The following ADAMTSL2 variants were observed in gnomAD, a reference collection of about 807,000 sequenced individuals.
ADAMTSL2 encodes the protein ADAMTS like 2.
In ADAMTSL2, 55 loss-of-function variants were observed where a neutral mutation model predicts 117.0. The observed-to-expected ratio is 0.47, with a 90% CI of 0.38 to 0.59. The LOEUF (loss-of-function observed/expected upper bound fraction) is 0.59, where lower values mean the gene tolerates loss of function less well. ADAMTSL2 is among the 20% of genes least tolerant of loss of function. The probability of loss-of-function intolerance (pLI) is 0.00; values close to 1 mark genes in which losing one functional copy is unlikely to be tolerated. For synonymous variants in ADAMTSL2, 572 were observed against 566.4 expected (o/e 1.01, Z -0.14); for missense variants, 1,182 against 1,354.5 (o/e 0.87, Z 2.00).
intron 9 of ADAMTSL2, among the ~76,000 whole-genome samples, chr9:133,551,812 C>CTTTTTTTTTT (rs56225051): frequency 3.1e-4 from 34 of 111,096 alleles, no homozygotes; most frequent in East Asian, 6.3e-4. Context: ...AAAGCAGCAG[C>CTTTTTTTTTT]TTTTTTTTTT....
chr9:133,563,002 G>A (rs1245760177), intron 12 of ADAMTSL2, among the ~76,000 whole-genome samples: 12 of 152,054 alleles, frequency 7.9e-5, no homozygotes, highest in Non-Finnish European at 1.5e-4. Context: ...CACCGCTGTG[G>A]GCGGCGTGGT....
At chr9:133,532,850 G>A (rs1025398352), upstream of ADAMTSL2, among the ~76,000 whole-genome samples, 1 of 152,206 alleles carries the variant, frequency 6.6e-6, no homozygotes, top group Non-Finnish European at 1.5e-5. Context: ...CCTGCAGGAG[G>A]TCACAGAGCC....
Position 133,565,200 on chromosome 9 carries a change from G to A in ADAMTSL2, c.1748-1736G>A, listed in dbSNP as rs1319672733. ...AGGGGGTTTGAAAAGCACCGTTTTC[G>A]AGATGGGTGTCATGAAGAGGGTGCC... is the stretch of plus-strand genomic sequence containing the variant. On this transcript the variant is annotated intron_variant, in intron 12 of 18. Coordinates refer to ENST00000651351, the MANE Select transcript of ADAMTSL2 (RefSeq NM_014694.4). Among the ~76,000 whole-genome samples the A allele has an allele frequency of 3.9e-5, 6 of 152,092 alleles. No individual in the cohort carries two copies. The East Asian group carries it at 7.7e-4, about 20-fold the overall frequency.
At position 133,562,643 on chromosome 9, in the gene ADAMTSL2, G is replaced by A. The variant is rs1204746782; in HGVS notation, c.1747+1348G>A. ...CCGGCTGGGCCCGGTTCGCACCGCCGTGGGCGGCGTGGCGGGCACCGGCTT... is the reference window on the plus strand; with the variant it reads ...CCGGCTGGGCCCGGTTCGCACCGCCATGGGCGGCGTGGCGGGCACCGGCTT... On this transcript the variant is annotated intron_variant, in intron 12 of 18. Transcript: ENST00000651351. 5.7e-5 allele frequency among the ~76,000 whole-genome samples: 8 copies of A among 139,778 alleles called. 1 individual carries two copies. The highest frequency in any genetic ancestry group is 1.1e-4 in the Non-Finnish European group (7 of 63,660). 91.7% of individuals were successfully genotyped at this position (139,778 alleles called of 152,430 possible).
chr9:133,555,648 A>C lies in ADAMTSL2; in HGVS notation c.1367A>C (p.Asn456Thr). ...HFASQEFFSA[N>T]AISDQLLGAG... Reference sequence around the variant, plus strand: ...GCCTCCCAGGAGTTCTTCTCGGCTAACGCCATCTCTGACCAGCTGCTGGGC... The same window carrying C: ...GCCTCCCAGGAGTTCTTCTCGGCTACCGCCATCTCTGACCAGCTGCTGGGC... The change falls in exon 11 of 19, where the codon AAC becomes ACC. Residue 456 changes from asparagine to threonine, a missense_variant. This residue lies in a region of ADAMTSL2 where 345 missense variants were observed against 325.8 expected (regional missense o/e 1.06). Transcript: ENST00000651351. The C allele has an allele frequency of 6.2e-7, 1 of 1,613,728 alleles. No individual in the cohort carries two copies. The highest frequency in any genetic ancestry group is 1.1e-5 in the South Asian group (1 of 91,086).
Position 133,555,884 on chromosome 9 carries a change from A to C in ADAMTSL2, c.1603A>C (p.Ser535Arg). 6.2e-7 allele frequency: 1 copy of C among 1,613,160 alleles called. No individual in the cohort carries two copies. The highest frequency in any genetic ancestry group is 2.2e-5 in the East Asian group (1 of 44,882). Residue 535 changes from serine to arginine, a missense_variant, in exon 11 of 19, where the codon AGC becomes CGC. Ser to Arg is a moderately radical substitution (Grantham distance 110). This residue lies in a region of ADAMTSL2 where 345 missense variants were observed against 325.8 expected (regional missense o/e 1.06). Transcript: ENST00000651351. ...SSSEAPFPNVSTSLLTSAGNR... is the reference protein window; with the variant it reads ...SSSEAPFPNVRTSLLTSAGNR... ...CTCCGAGGCCCCATTCCCCAACGTT[A>C]GCACCAGCCTGCTCACCTCGGCCGG...
chr9:133,554,435 C>A lies in ADAMTSL2; in HGVS notation c.1018C>A (p.Gln340Lys). 6.4e-7 allele frequency: 1 copy of A among 1,564,256 alleles called. No homozygotes were observed. Among genetic ancestry groups the A allele is most frequent in the African/African-American group, 1.3e-5 (1 of 74,284 alleles). The part of the protein sequence containing the change: ...LLQPPHESRP[Q>K]PIYYGFSESA... ...GCAGCCGCCACACGAGAGCCGCCCC[C>A]AGCCCATCTACTATGGCTTCTCCGA... The change falls in exon 10 of 19, where the codon CAG becomes AAG. Residue 340 changes from glutamine (Q) to lysine (K), a missense_variant. Coordinates refer to ENST00000651351, the MANE Select transcript of ADAMTSL2 (RefSeq NM_014694.4). The surrounding 1 kb of genome is among the most constrained non-coding windows in gnomAD (Gnocchi z 5.2).
rs1830103708 is a variant in ADAMTSL2, at chr9:133,538,368, C to A, written c.253C>A (p.Pro85Thr). 6.2e-7 allele frequency: 1 copy of A among 1,613,366 alleles called. No individual in the cohort carries two copies. The highest frequency in any genetic ancestry group is 1.7e-5 in the Admixed American group (1 of 60,028). The change falls in exon 4 of 19, where the codon CCC becomes ACC. Residue 85 changes from proline to threonine, a missense_variant. This residue lies in a region of ADAMTSL2 where 372 missense variants were observed against 463.4 expected (regional missense o/e 0.80). Transcript: ENST00000651351. ...LQQRRKSVPGPGNRTCTGTSK... is the reference protein window; with the variant it reads ...LQQRRKSVPGTGNRTCTGTSK... ...TGCCAGGAGGAAGTCCGTCCCGGGC[C>A]CCGGGAACAGGACCTGCACGGGCAC...
intron 15 of ADAMTSL2, 74 bp downstream of exon 15, chr9:133,568,832 A>C: frequency 1.3e-6 from 2 of 1,598,442 alleles, no homozygotes; most frequent in Non-Finnish European, 1.7e-6. Flanking sequence ...GATGTGCCTC[A>C]GTTTCCATTT....
intron 10 of ADAMTSL2, 110 bp from the exon 11 acceptor site, chr9:133,555,448 T>C: frequency 7.0e-7 from 1 of 1,418,774 alleles, no homozygotes; most frequent in African/African-American, 1.4e-5. Context: ...TGGGAGCTTC[T>C]TGGTTCAGCT....
chr9:133,567,148 C>T (rs1221444834), intron 13 of ADAMTSL2, 86 bp downstream of exon 13: 10 of 1,508,100 alleles, frequency 6.6e-6, no homozygotes, highest in Non-Finnish European at 7.1e-6. Flanking sequence ...TTACCCCCTG[C>T]CCCGTAGAGG....
At chr9:133,547,324 C>T (rs1301019994) in intron 9 of ADAMTSL2, 111 bp downstream of exon 9, 32 of 1,105,174 alleles carry the variant, frequency 2.9e-5, no homozygotes, top group Middle Eastern at 3.0e-4. Flanking sequence ...CCACTGTGCG[C>T]GTGCACCCGG....
rs1830722638 is a variant in ADAMTSL2, at chr9:133,561,305, A to C, written c.1747+10A>C. On this transcript the variant is annotated intron_variant, in intron 12 of 18. Transcript: ENST00000651351. ...GCCACCTGCACCACAGGTACTGGTCACGGGTGCCAAGGGGCAGCAACTGCC... is the reference window on the plus strand; with the variant it reads ...GCCACCTGCACCACAGGTACTGGTCCCGGGTGCCAAGGGGCAGCAACTGCC... 2 of 1,580,700 alleles carry C rather than the reference A, an allele frequency of 1.3e-6. No individual in the cohort carries two copies. Among genetic ancestry groups the C allele is most frequent in the African/African-American group, 2.7e-5 (2 of 74,720 alleles).
chr9:133,551,473 G>T (rs1423553088), intron 9 of ADAMTSL2, among the ~76,000 whole-genome samples: 1 of 152,202 alleles, frequency 6.6e-6, no homozygotes, highest in East Asian at 1.9e-4. Context: ...GGCGGAGCTG[G>T]TAGAACTCGT....
chr9:133,548,745 A>T (rs1311887217), intron 9 of ADAMTSL2, among the ~76,000 whole-genome samples: 1 of 152,102 alleles, frequency 6.6e-6, no homozygotes, highest in African/African-American at 2.4e-5. Flanking sequence ...GGCTGAGGGA[A>T]ATTCCTGGGG....
rs1830593386 is a variant in ADAMTSL2 at position 133,555,815 on chromosome 9, G to C, written c.1534G>C (p.Gly512Arg). The C allele has an allele frequency of 6.2e-7, 1 of 1,613,808 alleles. No homozygotes were observed. The highest frequency in any genetic ancestry group is 8.5e-7 in the Non-Finnish European group (1 of 1,180,030). Residue 512 changes from glycine (G) to arginine (R), a missense_variant, in exon 11 of 19, where the codon GGG becomes CGG. Physicochemically the swap from Gly to Arg is moderately radical, Grantham distance 125 (BLOSUM62 -2). Around this residue, in one of 3 missense-constraint regions of ADAMTSL2, gnomAD observed 345 missense variants for 325.8 expected, o/e 1.06. Coordinates refer to ENST00000651351, the MANE Select transcript of ADAMTSL2 (RefSeq NM_014694.4). The stretch of plus-strand genomic sequence containing the variant: ...GGGGGCTGGCCCTTACCTGCTCAAC[G>C]GGTCCTACCTGGAGCTGAGCAGCGA... The part of the protein sequence containing the change: ...NEGAGPYLLN[G>R]SYLELSSDRV...
intron 2 of ADAMTSL2, 137 bp downstream of exon 2, chr9:133,536,939 A>C: frequency 7.0e-7 from 1 of 1,420,774 alleles, no homozygotes; most frequent in East Asian, 2.5e-5. Flanking sequence ...GCTCCTAGAA[A>C]CTTCTGCCCA....
At position 133,568,361 on chromosome 9, in the gene ADAMTSL2, C is replaced by T. The variant is rs1011332230; in HGVS notation, c.1963C>T (p.Pro655Ser). 3.4e-5 allele frequency: 55 copies of T among 1,597,496 alleles called. No homozygotes were observed. In the Admixed American group the frequency reaches 6.2e-4, roughly 18 times the overall value. Reference sequence around the variant, plus strand: ...CGTGCGCTGCTGGAAGATGCTCTCGCCCGGCTTCGACAGCTCCGTGTACAG... The same window carrying T: ...CGTGCGCTGCTGGAAGATGCTCTCGTCCGGCTTCGACAGCTCCGTGTACAG... ...RVVRCWKMLS[P>S]GFDSSVYSDL... The change falls in exon 14 of 19, where the codon CCC (proline) becomes TCC (serine). Residue 655 changes from proline (P) to serine (S), a missense_variant. Pro to Ser is a moderately conservative substitution (Grantham distance 74). Around this residue, in one of 3 missense-constraint regions of ADAMTSL2, gnomAD observed 465 missense variants for 565.3 expected, o/e 0.82. Transcript: ENST00000651351.
chr9:133,547,934 C>G lies in ADAMTSL2; in HGVS notation c.939+721C>G, dbSNP rs544654180. Among the ~76,000 whole-genome samples, 5 of 152,366 alleles carry G rather than the reference C, an allele frequency of 3.3e-5. No individual in the cohort carries two copies. In the East Asian group the frequency reaches 9.6e-4, roughly 29 times the overall value. Reference sequence around the variant, plus strand: ...TGGCTAGCGTCTGGAAATGGAGGCTCTGGTGGCTTGGTGCCTCAGCACCGA... The same window carrying G: ...TGGCTAGCGTCTGGAAATGGAGGCTGTGGTGGCTTGGTGCCTCAGCACCGA... On this transcript the variant is annotated intron_variant, in intron 9 of 18. Coordinates refer to ENST00000651351, the MANE Select transcript of ADAMTSL2 (RefSeq NM_014694.4).
Sources: gnomAD v4.1 joint callset for allele counts (sites outside exome capture counted in the v4.1 genomes callset) on GRCh38, gnomAD v4.1.1 for gene constraint, gnomAD v4.1.1 regional missense constraint, Gnocchi (gnomAD v3.1) non-coding constraint, MANE v1.5 for transcripts, NCBI Gene and HGNC (gene_info 2026-07-23, HGNC 2026-07-21) for gene names.